Variants in SHISA6 observed in about 807,000 individuals in gnomAD.
SHISA6 encodes the protein shisa family member 6, also known as protein shisa-6.
A neutral mutation model predicts 47.9 loss-of-function variants in SHISA6; 22 were observed. The ratio of observed to expected loss-of-function variants is 0.46; its 90% CI spans 0.33 to 0.66. SHISA6 has a LOEUF of 0.66. Among genes scored for constraint, SHISA6 ranks in the 30% least tolerant of loss-of-function variants. The pLI is 0.02. For synonymous variants in SHISA6, 388 were observed against 337.8 expected (o/e 1.15, Z -1.63); for missense variants, 680 against 764.6 (o/e 0.89, Z 1.30).
At chr17:11,436,032 A>G (rs1914928719) in intron 3 of SHISA6, among the ~76,000 whole-genome samples, 2 of 152,202 alleles carry the variant, frequency 1.3e-5, no homozygotes, top group South Asian at 4.1e-4. Context: ...GAAACACCAG[A>G]GCTTCTCAGG....
chr17:11,509,742 G>C (rs748969878), intron 3 of SHISA6, among the ~76,000 whole-genome samples: 1 of 152,188 alleles, frequency 6.6e-6, no homozygotes, highest in South Asian at 2.1e-4. Flanking sequence ...TGAGTTGGGC[G>C]GCAGTGTCCC....
chr17:11,558,114 G>A lies in SHISA6; in HGVS notation c.1466G>A (p.Arg489His), dbSNP rs909393956. 1.6e-5 allele frequency: 25 copies of A among 1,551,344 alleles called. No homozygotes were observed. Among genetic ancestry groups the A allele is most frequent in the South Asian group, 2.4e-5 (2 of 84,064 alleles). Residue 489 changes from arginine (R) to histidine (H), a missense_variant, in exon 6 of 6, where the codon CGC (arginine) becomes CAC (histidine). By Grantham distance (29) the Arg-to-His change is conservative (BLOSUM62 0). Coordinates refer to ENST00000441885, the MANE Select transcript of SHISA6 (RefSeq NM_207386.4). Reference protein sequence around the residue: ...DVFVSTPVLDRYRMSKMHSHP... With the variant: ...DVFVSTPVLDHYRMSKMHSHP... ...TTTGTGTCCACACCCGTGCTGGACC[G>A]CTACCGCATGAGCAAGATGCACTCT... is the stretch of plus-strand genomic sequence containing the variant.
At position 11,241,752 on chromosome 17, in the gene SHISA6, T is replaced by G; in HGVS notation, c.330T>G (p.Cys110Trp). 1 of 1,546,892 alleles carries G rather than the reference T, an allele frequency of 6.5e-7. No individual in the cohort carries two copies. The highest frequency in any genetic ancestry group is 8.7e-7 in the Non-Finnish European group (1 of 1,146,920). ...GCCAGTACGACAAGGAGTTCGAGTG[T>G]AACAACAGCGAGAGCGGCTACCTGT... ...VSGQYDKEFE[C>W]NNSESGYLYC... The change falls in exon 1 of 6, where the codon TGT becomes TGG. Residue 110 changes from cysteine (C) to tryptophan (W), a missense_variant. Transcript: ENST00000441885. The surrounding 1 kb of genome is among the most constrained non-coding windows in gnomAD (Gnocchi z 5.5).
intron 3 of SHISA6, among the ~76,000 whole-genome samples, chr17:11,384,811 C>T (rs205055): frequency 1.3e-5 from 2 of 152,104 alleles, no homozygotes; most frequent in South Asian, 4.2e-4. Flanking sequence ...GCCAGATAGA[C>T]GAGGGTGGGA....
At chr17:11,546,438 G>C (rs1373294489) in intron 3 of SHISA6, among the ~76,000 whole-genome samples, 1 of 152,182 alleles carries the variant, frequency 6.6e-6, no homozygotes, top group African/African-American at 2.4e-5. Flanking sequence ...GACAACCCAT[G>C]AAGTACCACA....
At chr17:11,476,818 T>C (rs917798092) in intron 3 of SHISA6, among the ~76,000 whole-genome samples, 3 of 152,132 alleles carry the variant, frequency 2.0e-5, no homozygotes, top group Admixed American at 6.6e-5. Flanking sequence ...CCTTAATAAT[T>C]TTCTGCCTGT....
chr17:11,263,248 G>C (rs1908304563), intron 1 of SHISA6, 118 bp from the exon 2 acceptor site: 2 of 1,079,486 alleles, frequency 1.9e-6, no homozygotes, highest in Non-Finnish European at 2.7e-6. Flanking sequence ...GCTGAATGCT[G>C]TCTCTGTCTC....
chr17:11,529,099 A>G (rs1016710306), intron 3 of SHISA6, among the ~76,000 whole-genome samples: 4 of 152,062 alleles, frequency 2.6e-5, no homozygotes, highest in Admixed American at 6.6e-5. Context: ...AGGCTGAGGC[A>G]GGAGAATCGC....
chr17:11,543,926 A>G (rs1205337088), intron 3 of SHISA6, among the ~76,000 whole-genome samples: 1 of 140,912 alleles, frequency 7.1e-6, no homozygotes, highest in South Asian at 2.2e-4. Context: ...AAAAAAAAAA[A>G]CAAAAAAAAG....
At chr17:11,514,021 T>A (rs191118902) in intron 3 of SHISA6, among the ~76,000 whole-genome samples, 1 of 152,212 alleles carries the variant, frequency 6.6e-6, no homozygotes, top group Non-Finnish European at 1.5e-5. Flanking sequence ...GTTTGAAACT[T>A]TGCTAGCAGC....
chr17:11,517,814 T>A (rs1215805774), intron 3 of SHISA6, among the ~76,000 whole-genome samples: 2 of 152,068 alleles, frequency 1.3e-5, no homozygotes, highest in African/African-American at 4.8e-5. Context: ...CCCAAGTTTT[T>A]ATTTTCCTGT....
intron 3 of SHISA6, among the ~76,000 whole-genome samples, chr17:11,543,412 GC>G (rs1284546168): frequency 6.6e-6 from 1 of 152,068 alleles, no homozygotes; most frequent in Non-Finnish European, 1.5e-5. Context: ...CCCTAGAAGA[GC>G]CACTAAGAAA....
intron 2 of SHISA6, among the ~76,000 whole-genome samples, chr17:11,342,036 G>T (rs1422972281): frequency 6.6e-6 from 1 of 151,968 alleles, no homozygotes; most frequent in East Asian, 1.9e-4. Context: ...AGTCTATCTT[G>T]TCTCTCTGGC....
At chr17:11,435,104 G>A (rs1367346379) in intron 3 of SHISA6, among the ~76,000 whole-genome samples, 1 of 143,750 alleles carries the variant, frequency 7.0e-6, no homozygotes, top group Non-Finnish European at 1.5e-5. Flanking sequence ...GAGCTTATGA[G>A]TGTGGTCTCT....
chr17:11,326,642 G>A lies in SHISA6; in HGVS notation c.800-52772G>A, dbSNP rs149573818. ...TCTAACACCGTTAATTGGCTCCAGA[G>A]GGAGATGTGCTCAGAGGACATTTCA... On this transcript the variant is annotated intron_variant, in intron 2 of 5. Coordinates refer to ENST00000441885, the MANE Select transcript of SHISA6 (RefSeq NM_207386.4). 3.0e-4 allele frequency among the ~76,000 whole-genome samples: 45 copies of A among 152,318 alleles called. 1 individual carries two copies. The highest frequency in any genetic ancestry group is 9.6e-4 in the African/African-American group (40 of 41,574).
In SHISA6 at chr17:11,263,427, A is replaced by C. The variant is rs780401809; in HGVS notation, c.700A>C (p.Thr234Pro). ...PIPIAHCERE[T>P]ISAIDTSPKE... is the part of the protein sequence containing the mutation. The stretch of plus-strand genomic sequence containing the variant: ...CCCCATAGCACACTGTGAAAGAGAA[A>C]CTATCTCGGCTATCGATACCTCTCC... The change falls in exon 2 of 6, where the codon ACT becomes CCT. Residue 234 changes from threonine (T) to proline (P), a missense_variant. Coordinates refer to ENST00000441885, the MANE Select transcript of SHISA6 (RefSeq NM_207386.4). The C allele has an allele frequency of 6.4e-7, 1 of 1,552,010 alleles. No homozygotes were observed. Among genetic ancestry groups the C allele is most frequent in the South Asian group, 1.2e-5 (1 of 84,066 alleles).
intron 3 of SHISA6, among the ~76,000 whole-genome samples, chr17:11,501,293 G>A (rs1170771684): frequency 1.3e-5 from 2 of 152,098 alleles, no homozygotes; most frequent in Admixed American, 6.5e-5. Context: ...TGTATTTTTA[G>A]TAGAGATGGG....
At chr17:11,415,801 T>C (rs946594347) in intron 3 of SHISA6, among the ~76,000 whole-genome samples, 2 of 152,190 alleles carry the variant, frequency 1.3e-5, no homozygotes, top group African/African-American at 4.8e-5. Context: ...TTTTCCAAAC[T>C]GTATTTCCTA....
chr17:11,535,598 T>A (rs1356948211), intron 3 of SHISA6, among the ~76,000 whole-genome samples: 1 of 152,222 alleles, frequency 6.6e-6, no homozygotes, highest in East Asian at 1.9e-4. Context: ...TGTGCAAACC[T>A]AGATCCCACT....
Sources: allele counts gnomAD v4.1 joint callset (sites outside exome capture counted in the v4.1 genomes callset), GRCh38; gene constraint gnomAD v4.1.1; non-coding constraint Gnocchi (gnomAD v3.1); transcripts MANE v1.5; gene names NCBI Gene and HGNC (gene_info 2026-07-23, HGNC 2026-07-21).